TULP4: variants seen among roughly 807,000 people sequenced by gnomAD.
TULP4 encodes the protein TUB like protein 4.
In TULP4, 16 loss-of-function variants were observed where a neutral mutation model predicts 129.0. That is an observed-to-expected ratio of 0.12 (90% CI 0.08 to 0.19). TULP4 has a LOEUF of 0.19. Ranked by LOEUF, TULP4 falls within the 10% of genes least tolerant of loss-of-function variation. The pLI, the probability that TULP4 is intolerant of heterozygous loss-of-function variation, is 1.00. For synonymous variants in TULP4, 998 were observed against 854.0 expected (o/e 1.17, Z -2.94); for missense variants, 1,842 against 2,059.1 (o/e 0.89, Z 2.04).
At chr6:158,261,647 G>A (rs1314567569) in intron 1 of TULP4, among the ~76,000 whole-genome samples, 1 of 152,156 alleles carries the variant, frequency 6.6e-6, no homozygotes, top group African/African-American at 2.4e-5. Flanking sequence ...AACGTGCAGG[G>A]TTCAGCTGCA....
intron 1 of TULP4, among the ~76,000 whole-genome samples, chr6:158,381,814 CTT>C (rs774465983): frequency 6.6e-6 from 1 of 152,206 alleles, no homozygotes; most frequent in Non-Finnish European, 1.5e-5. Context: ...CATAGCTTCT[CTT>C]AATGAAACCT....
chr6:158,365,384 C>G (rs1780911109), intron 1 of TULP4, among the ~76,000 whole-genome samples: 1 of 149,710 alleles, frequency 6.7e-6, no homozygotes, highest in South Asian at 2.1e-4. Context: ...TAACTACTGC[C>G]TGATTTTGTT....
chr6:158,340,831 A>T (rs1316725998), intron 1 of TULP4, among the ~76,000 whole-genome samples: 3 of 152,150 alleles, frequency 2.0e-5, no homozygotes, highest in African/African-American at 7.2e-5. Context: ...TTGCATCTCT[A>T]GTTTAACAAC....
chr6:158,340,082 C>T (rs1376504078), intron 1 of TULP4, among the ~76,000 whole-genome samples: 1 of 152,176 alleles, frequency 6.6e-6, no homozygotes, highest in Non-Finnish European at 1.5e-5. Flanking sequence ...TGATGTGGAT[C>T]TGCTCGTGCA....
chr6:158,248,617 C>G (rs1006493715), intron 1 of TULP4, among the ~76,000 whole-genome samples: 12 of 152,108 alleles, frequency 7.9e-5, no homozygotes, highest in African/African-American at 2.9e-4. Flanking sequence ...GGTGGTGCAC[C>G]TGTGTCCCCG....
intron 1 of TULP4, among the ~76,000 whole-genome samples, chr6:158,299,783 C>T (rs1200246505): frequency 6.6e-6 from 1 of 152,122 alleles, no homozygotes; most frequent in Non-Finnish European, 1.5e-5. Context: ...GGAAAAAGCA[C>T]ATAAGCCTAA....
chr6:158,246,034 G>T (rs931540992), intron 1 of TULP4, among the ~76,000 whole-genome samples: 27 of 132,260 alleles, frequency 2.0e-4, no homozygotes, highest in African/African-American at 8.7e-4. Context: ...GTGTGTGTGT[G>T]TGTGTGTGTG....
At chr6:158,247,055 T>C (rs577279892) in intron 1 of TULP4, among the ~76,000 whole-genome samples, 2 of 152,362 alleles carry the variant, frequency 1.3e-5, no homozygotes, top group African/African-American at 4.8e-5. Context: ...CACTATAATG[T>C]AAGATACTGA....
upstream of TULP4, among the ~76,000 whole-genome samples, chr6:158,277,924 T>A (rs1444409018): frequency 6.6e-6 from 1 of 152,176 alleles, no homozygotes; most frequent in East Asian, 1.9e-4. Context: ...CAACTCTGTT[T>A]CCTTCACTCA....
At chr6:158,387,780 A>G (rs938187630) in intron 1 of TULP4, among the ~76,000 whole-genome samples, 3 of 152,348 alleles carry the variant, frequency 2.0e-5, no homozygotes, top group African/African-American at 4.8e-5. Context: ...AATGGTTACA[A>G]CTGTTTCTGA....
chr6:158,428,783 A>T (rs1387894580), intron 2 of TULP4, among the ~76,000 whole-genome samples: 1 of 152,170 alleles, frequency 6.6e-6, no homozygotes, highest in Non-Finnish European at 1.5e-5. Context: ...GGTTGAAAGG[A>T]AAGACCCTGT....
chr6:158,323,195 G>A (rs1231056993), intron 1 of TULP4, among the ~76,000 whole-genome samples: 2 of 152,292 alleles, frequency 1.3e-5, no homozygotes, highest in Non-Finnish European at 2.9e-5. Context: ...AGGCAGTGAT[G>A]TTCTGTGCGC....
intron 2 of TULP4, among the ~76,000 whole-genome samples, chr6:158,429,279 C>T (rs1180941961): frequency 6.6e-5 from 10 of 152,230 alleles, no homozygotes; most frequent in Admixed American, 2.0e-4. Context: ...GCTAGGACTA[C>T]GGGCACGTGC....
At chr6:158,254,777 A>C (rs1202194948) in intron 1 of TULP4, among the ~76,000 whole-genome samples, 1 of 152,132 alleles carries the variant, frequency 6.6e-6, no homozygotes, top group East Asian at 1.9e-4. Context: ...CCTGATTAAA[A>C]ACTCTGTGTT....
At chr6:158,442,234 G>A (rs138717669) in intron 3 of TULP4, among the ~76,000 whole-genome samples, 25 of 152,204 alleles carry the variant, frequency 1.6e-4, no homozygotes, top group Non-Finnish European at 3.5e-4. Flanking sequence ...CAGCTCATTT[G>A]TTGAGAAGTT....
chr6:158,370,781 T>G (rs541642846), intron 1 of TULP4, among the ~76,000 whole-genome samples: 59 of 152,238 alleles, frequency 3.9e-4, no homozygotes, highest in Non-Finnish European at 6.5e-4. Flanking sequence ...CCTCACTAGA[T>G]TGTTGGGGCA....
chr6:158,439,086 G>T lies in TULP4; in HGVS notation c.543+9189G>T, dbSNP rs150980427. Among the ~76,000 whole-genome samples, 5 of 151,950 alleles carry T rather than the reference G, an allele frequency of 3.3e-5. No individual in the cohort carries two copies. In the South Asian group the frequency reaches 8.3e-4, roughly 25 times the overall value. On this transcript the variant is annotated intron_variant, in intron 3 of 13. Coordinates refer to ENST00000367097, the MANE Select transcript of TULP4 (RefSeq NM_020245.5). ...CTCAGGAGGCTGAGGCAAGAGAATCGCTTGAACCCAGGAGGCGGAAGTTGC... is the reference window on the plus strand; with the variant it reads ...CTCAGGAGGCTGAGGCAAGAGAATCTCTTGAACCCAGGAGGCGGAAGTTGC...
intron 1 of TULP4, among the ~76,000 whole-genome samples, chr6:158,412,301 C>A (rs1210279931): frequency 6.6e-6 from 1 of 152,180 alleles, no homozygotes; most frequent in Non-Finnish European, 1.5e-5. Flanking sequence ...TTTGGTGGCT[C>A]ATGGTGTCCG....
intron 4 of TULP4, among the ~76,000 whole-genome samples, chr6:158,451,267 C>T (rs913306085): frequency 1.3e-5 from 2 of 152,120 alleles, no homozygotes; most frequent in Non-Finnish European, 2.9e-5. Flanking sequence ...CAACAGGGTT[C>T]TTCTTAGTGG....
Sources: gnomAD v4.1 joint callset for allele counts (sites outside exome capture counted in the v4.1 genomes callset) on GRCh38, gnomAD v4.1.1 for gene constraint, MANE v1.5 for transcripts, NCBI Gene and HGNC (gene_info 2026-07-23, HGNC 2026-07-21) for gene names.